The following CACHD1 variants were observed in gnomAD, a reference collection of about 807,000 sequenced individuals.
CACHD1 encodes VWFA and cache domain-containing protein 1.
CACHD1 carries 71 observed loss-of-function variants against 138.7 expected under a neutral mutation model. The observed-to-expected ratio is 0.51, with a 90% CI of 0.42 to 0.62. The LOEUF (loss-of-function observed/expected upper bound fraction) is 0.62, where lower values mean the gene tolerates loss of function less well. CACHD1 is among the 20% of genes least tolerant of loss of function. The pLI is 0.00. For synonymous variants in CACHD1, 578 were observed against 591.5 expected (o/e 0.98, Z 0.33); for missense variants, 1,389 against 1,625.3 (o/e 0.85, Z 2.50).
chr1:64,578,644 C>T (rs1646987992), intron 2 of CACHD1, among the ~76,000 whole-genome samples: 1 of 152,178 alleles, frequency 6.6e-6, no homozygotes, highest in African/African-American at 2.4e-5. Flanking sequence ...CTGAAATTAT[C>T]TGGAAGTTTC....
chr1:64,678,098 T>G (rs1570476365), intron 22 of CACHD1, 61 bp from the exon 23 acceptor site: 1 of 1,548,502 alleles, frequency 6.5e-7, no homozygotes, highest in South Asian at 1.2e-5. Flanking sequence ...ATGCCCACAC[T>G]TAAGTGCTGT....
At chr1:64,536,270 C>G (rs1483449228) in intron 1 of CACHD1, among the ~76,000 whole-genome samples, 2 of 152,156 alleles carry the variant, frequency 1.3e-5, no homozygotes, top group African/African-American at 2.4e-5. Context: ...AAACAATATG[C>G]CTTCAACTCT....
intron 1 of CACHD1, among the ~76,000 whole-genome samples, chr1:64,517,991 A>C (rs1285829048): frequency 6.6e-6 from 1 of 152,230 alleles, no homozygotes; most frequent in Non-Finnish European, 1.5e-5. Context: ...GTGGTAGCAC[A>C]GCTTGTGATC....
rs553958377 is a variant in CACHD1, at chr1:64,632,460, TG to T, written c.645-137del. The T allele has an allele frequency of 4.5e-5, 35 of 781,182 alleles. No homozygotes were observed. In the Admixed American group the frequency reaches 7.8e-4, roughly 18 times the overall value. The allele number at this position is 781,182 out of a possible 1,614,324, so 48.4% of individuals were successfully genotyped here. On this transcript the variant is annotated intron_variant, in intron 5 of 26. Transcript: ENST00000651257. Reference sequence around the variant, plus strand: ...CACCAATATGGTTTCTCCTTCCATGTGGATTTCTCCATCCTTGTGCCATCCC... The same window carrying T: ...CACCAATATGGTTTCTCCTTCCATGTGATTTCTCCATCCTTGTGCCATCCC...
intron 3 of CACHD1, among the ~76,000 whole-genome samples, chr1:64,582,703 G>C (rs1227729515): frequency 1.3e-5 from 2 of 152,072 alleles, no homozygotes; most frequent in Non-Finnish European, 2.9e-5. Flanking sequence ...CCTTACTTTA[G>C]TAGATACTAT....
intron 2 of CACHD1, among the ~76,000 whole-genome samples, chr1:64,559,708 T>A (rs911185738): frequency 6.6e-6 from 1 of 152,188 alleles, no homozygotes; most frequent in Non-Finnish European, 1.5e-5. Flanking sequence ...TCCTTCCTCC[T>A]TTACTTTCTG....
chr1:64,563,326 G>A (rs1646856612), intron 2 of CACHD1, among the ~76,000 whole-genome samples: 1 of 152,144 alleles, frequency 6.6e-6, no homozygotes, highest in Admixed American at 6.5e-5. Context: ...ATAAGAAAAT[G>A]ATACTTAGCA....
At position 64,470,823 on chromosome 1, in the gene CACHD1, G is replaced by A; in HGVS notation, c.79G>A (p.Ala27Thr). Residue 27 changes from alanine to threonine, a missense_variant, in exon 1 of 27, where the codon GCG becomes ACG. Coordinates refer to ENST00000651257, the MANE Select transcript of CACHD1 (RefSeq NM_020925.4). This position sits in a 1 kb window ranked among gnomAD's most constrained non-coding sequence, Gnocchi z 5.2. ...RPPLWLLCLV[A>T]CWLLGAGAEA... is the part of the protein sequence containing the mutation. ...GCCCCTCTGGCTGCTCTGCCTGGTC[G>A]CGTGCTGGCTCCTGGGCGCCGGGGC... 1.3e-6 allele frequency: 2 copies of A among 1,496,746 alleles called. No individual in the cohort carries two copies. Among genetic ancestry groups the A allele is most frequent in the Non-Finnish European group, 1.8e-6 (2 of 1,100,892 alleles). The allele number at this position is 1,496,746 out of a possible 1,614,324, so 92.7% of individuals were successfully genotyped here.
At chr1:64,510,497 G>C (rs886167111) in intron 1 of CACHD1, among the ~76,000 whole-genome samples, 2 of 152,148 alleles carry the variant, frequency 1.3e-5, no homozygotes, top group African/African-American at 4.8e-5. Flanking sequence ...GTCCAGTGAC[G>C]ACGGAACAGC....
intron 1 of CACHD1, among the ~76,000 whole-genome samples, chr1:64,501,427 A>G (rs1413358976): frequency 6.6e-6 from 1 of 152,200 alleles, no homozygotes; most frequent in African/African-American, 2.4e-5. Flanking sequence ...GAGGCCTTCC[A>G]GTCAGATTGG....
intron 4 of CACHD1, among the ~76,000 whole-genome samples, chr1:64,606,635 C>G (rs148673163): frequency 6.6e-6 from 1 of 152,158 alleles, no homozygotes; most frequent in Non-Finnish European, 1.5e-5. Context: ...TGAGCCAAGA[C>G]TAGACTGGAC....
chr1:64,550,371 G>A (rs894551526), intron 1 of CACHD1, among the ~76,000 whole-genome samples: 5 of 152,140 alleles, frequency 3.3e-5, no homozygotes, highest in African/African-American at 1.2e-4. Context: ...GAAAAATATA[G>A]TGTAACACCT....
chr1:64,561,526 T>C (rs1047564611), intron 2 of CACHD1, among the ~76,000 whole-genome samples: 1 of 152,130 alleles, frequency 6.6e-6, no homozygotes, highest in Non-Finnish European at 1.5e-5. Flanking sequence ...TAGTGACAAA[T>C]CCTCTTAGTT....
chr1:64,646,580 A>G (rs1648909325), intron 8 of CACHD1, among the ~76,000 whole-genome samples: 1 of 151,494 alleles, frequency 6.6e-6, no homozygotes, highest in Non-Finnish European at 1.5e-5. Context: ...ATACAAAAAA[A>G]AAATAGCCAG....
intron 4 of CACHD1, among the ~76,000 whole-genome samples, chr1:64,610,058 A>C (rs1389354184): frequency 6.6e-6 from 1 of 152,148 alleles, no homozygotes; most frequent in Admixed American, 6.6e-5. Flanking sequence ...AGCAGGGAGG[A>C]AAAGCCCCTT....
intron 2 of CACHD1, among the ~76,000 whole-genome samples, chr1:64,554,928 A>G (rs946155906): frequency 6.6e-6 from 1 of 152,134 alleles, no homozygotes; most frequent in African/African-American, 2.4e-5. Context: ...CAGATTTATG[A>G]TTCGTAAATA....
chr1:64,473,617 C>A (rs572841217), intron 1 of CACHD1, among the ~76,000 whole-genome samples: 1 of 152,308 alleles, frequency 6.6e-6, no homozygotes, highest in East Asian at 1.9e-4. Flanking sequence ...AAAAGAATGT[C>A]TTCCCTTGCT....
At chr1:64,541,088 G>C (rs536418872) in intron 1 of CACHD1, among the ~76,000 whole-genome samples, 17 of 152,342 alleles carry the variant, frequency 1.1e-4, no homozygotes, top group African/African-American at 3.8e-4. Flanking sequence ...GTTAATTGTT[G>C]AGAGAAGGGG....
chr1:64,557,795 A>G (rs546484334), intron 2 of CACHD1, among the ~76,000 whole-genome samples: 23 of 150,806 alleles, frequency 1.5e-4, no homozygotes, highest in Non-Finnish European at 3.0e-4. Flanking sequence ...AAAAATTATT[A>G]TTATTATTAT....
Sources: gnomAD v4.1 joint callset for allele counts (sites outside exome capture counted in the v4.1 genomes callset) on GRCh38, gnomAD v4.1.1 for gene constraint, Gnocchi (gnomAD v3.1) non-coding constraint, MANE v1.5 for transcripts, NCBI Gene and HGNC (gene_info 2026-07-23, HGNC 2026-07-21) for gene names.